Variants in C16orf89 observed in about 807,000 individuals in gnomAD.
C16orf89 encodes UPF0764 protein C16orf89.
In C16orf89, 57 loss-of-function variants were observed where a neutral mutation model predicts 41.5. That is an observed-to-expected ratio of 1.38 (90% CI 1.11 to 1.71). C16orf89 has a LOEUF of 1.71. C16orf89 is among the 40% of genes most tolerant of loss of function. The pLI, the probability that C16orf89 is intolerant of heterozygous loss-of-function variation, is 0.00. For missense variants in C16orf89, 575 were observed against 445.9 expected (o/e 1.29, Z -2.61); for synonymous variants, 223 against 190.6 (o/e 1.17, Z -1.40).
At chr16:5,047,664 T>C (rs1956323666) in intron 7 of C16orf89, among the ~76,000 whole-genome samples, 1 of 151,966 alleles carries the variant, frequency 6.6e-6, no homozygotes, top group Non-Finnish European at 1.5e-5. Context: ...GACAGGGTTT[T>C]GTTATGTTGC....
In C16orf89 at chr16:5,065,762, G is replaced by A; in HGVS notation, c.147C>T (p.Phe49=). 3 of 1,614,178 alleles carry A rather than the reference G, an allele frequency of 1.9e-6. No individual in the cohort carries two copies. The highest frequency in any genetic ancestry group is 2.5e-6 in the Non-Finnish European group (3 of 1,179,988). ...TGATTTCAGGCAGCCTCTGTTCTAGGAAGACGGTGGCTCTCTCCAGCGCAG... is the reference window on the plus strand; with the variant it reads ...TGATTTCAGGCAGCCTCTGTTCTAGAAAGACGGTGGCTCTCTCCAGCGCAG... The part of the protein sequence containing the change: ...ILSALERATV[F]LEQRLPEINL... Residue 49 remains phenylalanine (F), a synonymous_variant, in exon 1 of 8, where the codon TTC becomes TTT. Coordinates refer to ENST00000472572, the MANE Select transcript of C16orf89 (RefSeq NM_001098514.3).
At position 5,055,390 on chromosome 16, in the gene C16orf89, C is replaced by G. The variant is rs755493637; in HGVS notation, c.764-40G>C. On this transcript the variant is annotated intron_variant, in intron 5 of 7. Transcript: ENST00000472572. ...GGGGGCCCTCTGCAGGCCTGCCCCC[C>G]AGGCCCACCTCCTCCCACTCCCCAG... is the stretch of plus-strand genomic sequence containing the variant. 9 of 1,507,014 alleles carry G rather than the reference C, an allele frequency of 6.0e-6. No individual in the cohort carries two copies. In the African/African-American group the frequency reaches 1.1e-4, roughly 19 times the overall value. The allele number at this position is 1,507,014 out of a possible 1,614,324, so 93.4% of individuals were successfully genotyped here. A position where few individuals can be genotyped will look rare whatever the true frequency, so the allele number is the denominator to read the frequency against.
intron 7 of C16orf89, 56 bp from the exon 8 acceptor site, chr16:5,044,534 A>G: frequency 1.9e-6 from 3 of 1,605,896 alleles, no homozygotes; most frequent in Non-Finnish European, 2.5e-6. Flanking sequence ...CCCTTTATTC[A>G]ACACAGTCTC....
chr16:5,051,869 G>A (rs778641901), intron 6 of C16orf89, among the ~76,000 whole-genome samples: 8 of 152,116 alleles, frequency 5.3e-5, no homozygotes, highest in Non-Finnish European at 1.2e-4. Context: ...GGAGGTCGAG[G>A]TAGGCAGATC....
rs560610415 is a variant in C16orf89, at chr16:5,065,800, C to A, written c.109G>T (p.Asp37Tyr). 3.1e-5 allele frequency: 50 copies of A among 1,614,192 alleles called. No individual in the cohort carries two copies. The South Asian group carries it at 4.7e-4, about 15-fold the overall frequency. Reference protein sequence around the residue: ...DTAESKATIADLILSALERAT... With the variant: ...DTAESKATIAYLILSALERAT... ...CTCTCCAGCGCAGACAGGATCAGGTCTGCAATGGTGGCTTTACTTTCAGCA... is the reference window on the plus strand; with the variant it reads ...CTCTCCAGCGCAGACAGGATCAGGTATGCAATGGTGGCTTTACTTTCAGCA... Residue 37 changes from aspartate to tyrosine, a missense_variant, in exon 1 of 8, where the codon GAC (aspartate) becomes TAC (tyrosine). Physicochemically the swap from Asp to Tyr is radical, Grantham distance 160. Coordinates refer to ENST00000472572, the MANE Select transcript of C16orf89 (RefSeq NM_001098514.3).
At chr16:5,060,126 A>G in intron 3 of C16orf89, 160 bp downstream of exon 3, 1 of 834,238 alleles carries the variant, frequency 1.2e-6, no homozygotes, top group Non-Finnish European at 1.7e-6. Flanking sequence ...ACCCTGCTGG[A>G]GTAGGAGAGG....
In C16orf89 at chr16:5,044,389, C is replaced by T. The variant is rs757950963; in HGVS notation, c.1045G>A (p.Glu349Lys). ...GGTGGCGGTGTGGATGGGTGTGGCT[C>T]TCTGTTTGCTGGGGGGTATTCTGCC... is the stretch of plus-strand genomic sequence containing the variant. ...ILAEYPPANR[E>K]PHPSTPPPPS... The change falls in exon 8 of 8, where the codon GAG becomes AAG. Residue 349 changes from glutamate to lysine, a missense_variant. Coordinates refer to ENST00000472572, the MANE Select transcript of C16orf89 (RefSeq NM_001098514.3). The T allele has an allele frequency of 2.5e-6, 4 of 1,612,198 alleles. No homozygotes were observed. Among genetic ancestry groups the T allele is most frequent in the South Asian group, 1.1e-5 (1 of 90,902 alleles).
At chr16:5,044,718 C>T (rs1956263513) in intron 7 of C16orf89, 6 of 985,540 alleles carry the variant, frequency 6.1e-6, no homozygotes, top group Middle Eastern at 3.6e-4. Flanking sequence ...GTGGCACGCT[C>T]CTGTAGTCCC....
intron 1 of C16orf89, among the ~76,000 whole-genome samples, chr16:5,063,339 G>T (rs187958875): frequency 6.6e-6 from 1 of 152,120 alleles, no homozygotes; most frequent in African/African-American, 2.4e-5. Context: ...GGGCAAACCC[G>T]CAGGGAAGAA....
intron 2 of C16orf89, among the ~76,000 whole-genome samples, chr16:5,061,504 A>AGAAAC (rs1567159542): frequency 1.6e-5 from 1 of 62,594 alleles, no homozygotes; most frequent in African/African-American, 5.4e-5. Context: ...AAAAAAAAAA[A>AGAAAC]CCCCCCCAAA....
chr16:5,046,547 C>G (rs913095899), intron 7 of C16orf89, among the ~76,000 whole-genome samples: 9 of 151,998 alleles, frequency 5.9e-5, no homozygotes, highest in African/African-American at 2.2e-4. Context: ...GATGGGGTTT[C>G]ACCATGTTGG....
intron 6 of C16orf89, among the ~76,000 whole-genome samples, chr16:5,048,412 A>C (rs1347155661): frequency 6.6e-6 from 1 of 152,094 alleles, no homozygotes; most frequent in African/African-American, 2.4e-5. Flanking sequence ...TTCTCTTGAA[A>C]CTTGAGGCTA....
At chr16:5,058,887 GC>G (rs1286423538) in intron 3 of C16orf89, among the ~76,000 whole-genome samples, 1 of 152,036 alleles carries the variant, frequency 6.6e-6, no homozygotes, top group Non-Finnish European at 1.5e-5. Context: ...ATCTTTTCCA[GC>G]CCCGAACAGT....
Position 5,048,846 on chromosome 16 carries a change from C to G in C16orf89, c.869-882G>C, listed in dbSNP as rs142465916. Among the ~76,000 whole-genome samples, 1,078 of 152,072 alleles carry G rather than the reference C, an allele frequency of 7.1e-3. 7 individuals are homozygous for G. The highest frequency in any genetic ancestry group is 0.012 in the Non-Finnish European group (782 of 67,968). On this transcript the variant is annotated intron_variant, in intron 6 of 7. Transcript: ENST00000472572. ...AACCAGAAAACAATTAATGAAATGA[C>G]AGGAGTAAGTCCTCACAAGCCAATA... is the stretch of plus-strand genomic sequence containing the variant.
intron 4 of C16orf89, 75 bp from the exon 5 acceptor site, chr16:5,056,263 C>T: frequency 7.0e-7 from 1 of 1,428,212 alleles, no homozygotes; most frequent in Non-Finnish European, 9.6e-7. Context: ...ATGGGAAAGT[C>T]TTGCAGTTCT....
intron 4 of C16orf89, among the ~76,000 whole-genome samples, chr16:5,057,198 C>T (rs1424535705): frequency 6.7e-6 from 1 of 148,490 alleles, no homozygotes; most frequent in Non-Finnish European, 1.5e-5. Flanking sequence ...GATCGTGCCA[C>T]TGCACTCCAG....
intron 3 of C16orf89, among the ~76,000 whole-genome samples, chr16:5,059,714 C>T (rs1400659103): frequency 6.6e-6 from 1 of 152,168 alleles, no homozygotes; most frequent in Non-Finnish European, 1.5e-5. Flanking sequence ...TCCTGTCTTC[C>T]TGGAGCTGCA....
chr16:5,044,167 C>G lies in C16orf89; in HGVS notation c.*181G>C. On this transcript the variant is annotated 3_prime_UTR_variant, in exon 8 of 8. Coordinates refer to ENST00000472572, the MANE Select transcript of C16orf89 (RefSeq NM_001098514.3). ...TTCATCCGTTCACACCTGGGTCCCT[C>G]CCGGCCCCCACCTACCCTGGCCTTG... 7.3e-7 allele frequency: 1 copy of G among 1,362,622 alleles called. No individual in the cohort carries two copies. The highest frequency in any genetic ancestry group is 9.4e-7 in the Non-Finnish European group (1 of 1,061,978). The allele number at this position is 1,362,622 out of a possible 1,614,324, so 84.4% of individuals were successfully genotyped here. A position where few individuals can be genotyped will look rare whatever the true frequency, so the allele number is the denominator to read the frequency against.
At chr16:5,052,030 G>C (rs1393501687) in intron 6 of C16orf89, among the ~76,000 whole-genome samples, 1 of 148,122 alleles carries the variant, frequency 6.8e-6, no homozygotes, top group Non-Finnish European at 1.5e-5. Flanking sequence ...TTGAACCCGA[G>C]AGGTGGAGGT....
Sources: allele counts gnomAD v4.1 joint callset (sites outside exome capture counted in the v4.1 genomes callset), GRCh38; gene constraint gnomAD v4.1.1; transcripts MANE v1.5; gene names NCBI Gene and HGNC (gene_info 2026-07-23, HGNC 2026-07-21).